SYNM: variants seen among roughly 807,000 people sequenced by gnomAD.
SYNM encodes desmuslin.
A neutral mutation model predicts 104.0 loss-of-function variants in SYNM; 95 were observed. The observed-to-expected ratio is 0.91, with a 90% CI of 0.77 to 1.08. The LOEUF is 1.08. Ranked by LOEUF, SYNM falls within the 50% of genes least tolerant of loss-of-function variation. The pLI, the probability that SYNM is intolerant of heterozygous loss-of-function variation, is 0.00. For synonymous variants in SYNM, 918 were observed against 869.0 expected (o/e 1.06, Z -0.99); for missense variants, 2,150 against 2,052.2 (o/e 1.05, Z -0.92).
downstream of SYNM, chr15:99,137,747 A>G: frequency 4.2e-6 from 2 of 475,714 alleles, no homozygotes; most frequent in South Asian, 5.5e-5. Context: ...AGTAGTGCTG[A>G]TGGGTAAAAA....
In SYNM at chr15:99,132,789, C is replaced by T; in HGVS notation, c.4429C>T (p.Gln1477Ter). 6.2e-7 allele frequency: 1 copy of T among 1,613,922 alleles called. No homozygotes were observed. Among genetic ancestry groups the T allele is most frequent in the Non-Finnish European group, 8.5e-7 (1 of 1,179,888 alleles). Residue 1477 changes from glutamine (Q) to a stop codon, truncating the protein, a stop_gained, in exon 4 of 4, where the codon CAG (glutamine) becomes TAG (stop). Transcript: ENST00000336292. LOFTEE classifies it high-confidence loss of function. ...SNVEAIRSRT[Q>*]EAGALGVSDR... The stretch of plus-strand genomic sequence containing the variant: ...CGTAGAGGCGATCCGCAGCCGGACA[C>T]AGGAAGCGGGAGCTCTCGGTGTGTC...
chr15:99,110,755 C>T (rs1246281028), intron 1 of SYNM, among the ~76,000 whole-genome samples: 1 of 152,172 alleles, frequency 6.6e-6, no homozygotes, highest in East Asian at 1.9e-4. Context: ...TGTGATGCTG[C>T]CCAAAAGTTC....
intron 2 of SYNM, among the ~76,000 whole-genome samples, chr15:99,124,014 G>T (rs2067425612): frequency 6.6e-6 from 1 of 152,260 alleles, no homozygotes; most frequent in Non-Finnish European, 1.5e-5. Context: ...AATGAGGCCA[G>T]GGACTTGAGT....
chr15:99,122,669 C>T (rs1158710896), intron 2 of SYNM, among the ~76,000 whole-genome samples: 1 of 152,098 alleles, frequency 6.6e-6, no homozygotes, highest in Non-Finnish European at 1.5e-5. Context: ...AACCCCATCT[C>T]TACAAACGAT....
rs2067493280 is a variant in SYNM, at chr15:99,130,694, A to G, written c.2334A>G (p.Pro778=). 2.5e-6 allele frequency: 4 copies of G among 1,613,942 alleles called. No homozygotes were observed. Among genetic ancestry groups the G allele is most frequent in the Non-Finnish European group, 2.5e-6 (3 of 1,179,862 alleles). ...TGGAGGAGGTCGAAGATGTGTCGCC[A>G]GGCCCCTGGGGGTTGGTTAAGGAGG... ...FKVEEVEDVS[P]GPWGLVKEEE... Residue 778 remains proline (P), a synonymous_variant, in exon 4 of 4, where the codon CCA becomes CCG. Coordinates refer to ENST00000336292, the MANE Select transcript of SYNM (RefSeq NM_145728.3).
downstream of SYNM, chr15:99,137,983 G>A (rs1555487923): frequency 2.5e-6 from 4 of 1,614,024 alleles, no homozygotes. Context: ...GCCCAGGAAT[G>A]TCCTAGGCTT....
At chr15:99,108,225 G>A (rs534334908) in intron 1 of SYNM, among the ~76,000 whole-genome samples, 1 of 152,042 alleles carries the variant, frequency 6.6e-6, no homozygotes, top group Non-Finnish European at 1.5e-5. Context: ...TCCACCGGCC[G>A]TGGCCTCCCA....
chr15:99,107,542 C>G (rs1017240644), intron 1 of SYNM, among the ~76,000 whole-genome samples: 3 of 152,196 alleles, frequency 2.0e-5, no homozygotes, highest in African/African-American at 2.4e-5. Flanking sequence ...TGGACCAAAT[C>G]GTCACCATGC....
chr15:99,137,940 G>A (rs260089), downstream of SYNM: 228,990 of 1,582,498 alleles, frequency 0.14, 17,006 homozygotes, highest in Admixed American at 0.18. Context: ...TTTTCTAGGC[G>A]GAGGTGATTT....
intron 3 of SYNM, chr15:99,129,139 C>G (rs1316597330): frequency 1.8e-6 from 1 of 562,356 alleles, no homozygotes; most frequent in African/African-American, 1.9e-5. Context: ...ACTGGAGAAA[C>G]GTGTTAGGCT....
At position 99,129,628 on chromosome 15, in the gene SYNM, C is replaced by T. The variant is rs1567282480; in HGVS notation, c.1268C>T (p.Thr423Ile). ...NSYGKAVSSQ[T>I]NVRTFSPTYG... ...TACGGAAAAGCCGTCAGCAGTCAAA[C>T]CAACGTCAGAACTTTCTCTCCAACC... Residue 423 changes from threonine to isoleucine, a missense_variant, in exon 4 of 4, where the codon ACC becomes ATC. Coordinates refer to ENST00000336292, the MANE Select transcript of SYNM (RefSeq NM_145728.3). 1 of 1,613,942 alleles carries T rather than the reference C, an allele frequency of 6.2e-7. No individual in the cohort carries two copies. Among genetic ancestry groups the T allele is most frequent in the Non-Finnish European group, 8.5e-7 (1 of 1,179,890 alleles).
In SYNM at chr15:99,131,170, T is replaced by C. The variant is rs2067501599; in HGVS notation, c.2810T>C (p.Met937Thr). Residue 937 changes from methionine to threonine, a missense_variant, in exon 4 of 4, where the codon ATG becomes ACG. By Grantham distance (81) the Met-to-Thr change is moderately conservative. Transcript: ENST00000336292. The surrounding 1 kb of genome is among the most constrained non-coding windows in gnomAD (Gnocchi z 4.3). ...ATACCCCACGAATTCCACACCTCCA[T>C]GAAGGGCATCTCCTCCAAGGAGCCC... The part of the protein sequence containing the change: ...IKIPHEFHTS[M>T]KGISSKEPRQ... 1.2e-6 allele frequency: 2 copies of C among 1,605,932 alleles called. No individual in the cohort carries two copies. The highest frequency in any genetic ancestry group is 1.1e-5 in the South Asian group (1 of 89,438).
At chr15:99,136,928 A>T (rs1252967116), downstream of SYNM, 1 of 152,176 alleles carries the variant, frequency 6.6e-6, no homozygotes, top group East Asian at 1.9e-4. Flanking sequence ...CCCCATCAAT[A>T]CTGGAGGTGG....
In SYNM at chr15:99,130,537, T is replaced by C. The variant is rs782444428; in HGVS notation, c.2177T>C (p.Ile726Thr). 1.5e-5 allele frequency: 24 copies of C among 1,613,676 alleles called. No individual in the cohort carries two copies. The Admixed American group carries it at 3.8e-4, about 26-fold the overall frequency. ...GLKGKSAEQM[I>T]GDIINLGLKG... Reference sequence around the variant, plus strand: ...AAAGGCAAGTCAGCCGAGCAGATGATAGGAGACATCATCAACCTCGGCCTG... The same window carrying C: ...AAAGGCAAGTCAGCCGAGCAGATGACAGGAGACATCATCAACCTCGGCCTG... Residue 726 changes from isoleucine to threonine, a missense_variant, in exon 4 of 4, where the codon ATA (isoleucine) becomes ACA (threonine). Ile to Thr is a moderately conservative substitution (Grantham distance 89). Transcript: ENST00000336292.
intron 1 of SYNM, among the ~76,000 whole-genome samples, chr15:99,106,743 G>T (rs1475904420): frequency 6.6e-6 from 1 of 151,874 alleles, no homozygotes. Context: ...ACACCGGCGG[G>T]GTGACACCTG....
intron 2 of SYNM, among the ~76,000 whole-genome samples, chr15:99,115,486 A>C (rs1195800800): frequency 1.0e-5 from 1 of 98,642 alleles, no homozygotes; most frequent in Non-Finnish European, 2.0e-5. Flanking sequence ...TTTTTTTGAG[A>C]TGGAGTCTTG....
chr15:99,116,301 T>C (rs183216426), intron 2 of SYNM, among the ~76,000 whole-genome samples: 1 of 152,364 alleles, frequency 6.6e-6, no homozygotes, highest in Admixed American at 6.5e-5. Flanking sequence ...ATCTAAACTT[T>C]AATATGGAAA....
chr15:99,131,821 C>A lies in SYNM; in HGVS notation c.3461C>A (p.Ala1154Glu). Residue 1154 changes from alanine to glutamate, a missense_variant, in exon 4 of 4, where the codon GCG (alanine) becomes GAG (glutamate). Coordinates refer to ENST00000336292, the MANE Select transcript of SYNM (RefSeq NM_145728.3). The surrounding 1 kb of genome is among the most constrained non-coding windows in gnomAD (Gnocchi z 4.3). ...GPTAEVVEVS[A>E]GGDLSQAASP... is the part of the protein sequence containing the mutation. ...ACTGCAGAAGTGGTGGAGGTAAGTG[C>A]GGGAGGTGACCTAAGTCAGGCAGCG... The A allele has an allele frequency of 1.2e-6, 2 of 1,613,836 alleles. No individual in the cohort carries two copies. Among genetic ancestry groups the A allele is most frequent in the Non-Finnish European group, 1.7e-6 (2 of 1,179,888 alleles).
rs370900480 is a variant in SYNM, at chr15:99,132,784, G to A, written c.4424G>A (p.Arg1475Gln). ...AGTAACGTAGAGGCGATCCGCAGCC[G>A]GACACAGGAAGCGGGAGCTCTCGGT... ...DVSNVEAIRS[R>Q]TQEAGALGVS... The change falls in exon 4 of 4, where the codon CGG becomes CAG. Residue 1475 changes from arginine to glutamine, a missense_variant. Arg to Gln is a conservative substitution (Grantham distance 43). Transcript: ENST00000336292. The A allele has an allele frequency of 8.7e-6, 14 of 1,613,824 alleles. No homozygotes were observed. The highest frequency in any genetic ancestry group is 6.7e-5 in the African/African-American group (5 of 74,898).
Sources: allele counts gnomAD v4.1 joint callset (sites outside exome capture counted in the v4.1 genomes callset), GRCh38; gene constraint gnomAD v4.1.1; non-coding constraint Gnocchi (gnomAD v3.1); transcripts MANE v1.5; gene names NCBI Gene and HGNC (gene_info 2026-07-23, HGNC 2026-07-21).